Variants in ASIC2 observed in about 807,000 individuals in gnomAD.
ASIC2 encodes the protein acid sensing ion channel subunit 2.
ASIC2 carries 25 observed loss-of-function variants against 57.3 expected under a neutral mutation model. The observed-to-expected ratio is 0.44, with a 90% CI of 0.32 to 0.61. The LOEUF (loss-of-function observed/expected upper bound fraction) is 0.61, where lower values mean the gene tolerates loss of function less well. Among genes scored for constraint, ASIC2 ranks in the 20% least tolerant of loss-of-function variants. The pLI, the probability that ASIC2 is intolerant of heterozygous loss-of-function variation, is 0.06. For missense variants in ASIC2, 641 were observed against 738.1 expected (o/e 0.87, Z 1.52); for synonymous variants, 319 against 307.5 (o/e 1.04, Z -0.39).
intron 1 of ASIC2, among the ~76,000 whole-genome samples, chr17:33,871,576 G>C (rs530315698): frequency 6.6e-6 from 1 of 152,174 alleles, no homozygotes. Flanking sequence ...CCCTTGTCTT[G>C]CTCAGGATCT....
chr17:33,020,052 C>T (rs1017376427), intron 7 of ASIC2, among the ~76,000 whole-genome samples: 15 of 152,010 alleles, frequency 9.9e-5, no homozygotes, highest in African/African-American at 3.1e-4. Context: ...GTACCTTTGG[C>T]CACAATGACT....
At chr17:33,370,299 G>C (rs933416042) in intron 1 of ASIC2, among the ~76,000 whole-genome samples, 2 of 152,152 alleles carry the variant, frequency 1.3e-5, no homozygotes, top group African/African-American at 4.8e-5. Flanking sequence ...TCTGATCAAA[G>C]AACACCACCC....
intron 1 of ASIC2, among the ~76,000 whole-genome samples, chr17:33,754,259 G>C (rs554594313): frequency 6.6e-6 from 1 of 152,248 alleles, no homozygotes; most frequent in South Asian, 2.1e-4. Flanking sequence ...CAGGGATGAT[G>C]GTGGGGGGAG....
At chr17:33,962,499 C>A (rs1018994371) in intron 1 of ASIC2, among the ~76,000 whole-genome samples, 1 of 152,174 alleles carries the variant, frequency 6.6e-6, no homozygotes, top group Non-Finnish European at 1.5e-5. Context: ...AATTCTGAAG[C>A]TATTCTAATG....
intron 1 of ASIC2, among the ~76,000 whole-genome samples, chr17:33,269,038 T>C (rs1166552429): frequency 6.6e-6 from 1 of 152,168 alleles, no homozygotes; most frequent in Non-Finnish European, 1.5e-5. Context: ...TTAATGAGCA[T>C]ATGAACAGGT....
chr17:33,868,612 A>G (rs1458786608), intron 1 of ASIC2, among the ~76,000 whole-genome samples: 1 of 152,198 alleles, frequency 6.6e-6, no homozygotes, highest in East Asian at 1.9e-4. Context: ...GACTTCATTA[A>G]AATTAAAACT....
chr17:33,204,246 C>T (rs115684856), intron 1 of ASIC2, among the ~76,000 whole-genome samples: 1,711 of 152,302 alleles, frequency 0.011, 39 homozygotes, highest in African/African-American at 0.039. Flanking sequence ...CTGTCATTTT[C>T]CCAGGCAGGC....
intron 1 of ASIC2, chr17:34,004,605 C>T (rs991704568): frequency 1.3e-5 from 2 of 152,196 alleles, no homozygotes; most frequent in Non-Finnish European, 2.9e-5. Context: ...TGTGACCTTA[C>T]GTGAGACACT....
rs1054820050 is a variant in ASIC2, at chr17:33,608,285, C to G, written c.556-496218G>C. 2.0e-4 allele frequency among the ~76,000 whole-genome samples: 30 copies of G among 152,068 alleles called. 1 individual carries two copies. The highest frequency in any genetic ancestry group is 1.4e-3 in the Admixed American group (22 of 15,266). On this transcript the variant is annotated intron_variant, in intron 1 of 9. Coordinates refer to the ASIC2 transcript ENST00000359872. The stretch of plus-strand genomic sequence containing the variant: ...GGGTGAGTGTGAGGTTCTGAGAGGT[C>G]GAGTAGTAGAATTATCTCCCCCAGT...
At chr17:34,135,143 T>C (rs745324303) in intron 1 of ASIC2, among the ~76,000 whole-genome samples, 2 of 152,194 alleles carry the variant, frequency 1.3e-5, no homozygotes, top group Non-Finnish European at 2.9e-5. Flanking sequence ...TAATTAATAA[T>C]TCCAAAACAG....
chr17:33,680,502 A>C (rs1196776577), intron 1 of ASIC2: 2 of 152,068 alleles, frequency 1.3e-5, no homozygotes, highest in Non-Finnish European at 2.9e-5. Flanking sequence ...ACAAAAGACC[A>C]CCTTTATCCC....
chr17:33,071,937 A>G (rs973311042), intron 3 of ASIC2, among the ~76,000 whole-genome samples: 1 of 152,148 alleles, frequency 6.6e-6, no homozygotes, highest in African/African-American at 2.4e-5. Flanking sequence ...GTTTCCTCTC[A>G]TCTTCTCAAA....
intron 3 of ASIC2, among the ~76,000 whole-genome samples, chr17:33,053,295 A>G (rs1195940732): frequency 6.6e-6 from 1 of 152,148 alleles, no homozygotes; most frequent in East Asian, 1.9e-4. Flanking sequence ...GCACATTGCA[A>G]TTCACCTCTG....
chr17:33,963,479 A>G (rs1394190431), intron 1 of ASIC2, among the ~76,000 whole-genome samples: 1 of 152,218 alleles, frequency 6.6e-6, no homozygotes, highest in African/African-American at 2.4e-5. Flanking sequence ...AGCTTTCATT[A>G]CTCAGATGAG....
intron 1 of ASIC2, among the ~76,000 whole-genome samples, chr17:33,973,772 C>A (rs1313031209): frequency 6.7e-6 from 1 of 150,122 alleles, no homozygotes; most frequent in African/African-American, 2.5e-5. Flanking sequence ...GCCTAGATTG[C>A]AAACAGGTTC....
Position 33,813,892 on chromosome 17 carries a change from G to A in ASIC2, c.555+342086C>T, listed in dbSNP as rs1412424552. 3.3e-5 allele frequency among the ~76,000 whole-genome samples: 5 copies of A among 152,266 alleles called. No individual in the cohort carries two copies. In the East Asian group the frequency reaches 9.7e-4, roughly 29 times the overall value. On this transcript the variant is annotated intron_variant, in intron 1 of 9. Transcript: ENST00000359872. ...ACCCACACGTTTCCGCAAATCTGTT[G>A]GTTTCCTGAGGTTGAATGGTTGGTA...
At chr17:33,642,462 T>C (rs982283699) in intron 1 of ASIC2, among the ~76,000 whole-genome samples, 1 of 150,344 alleles carries the variant, frequency 6.7e-6, no homozygotes, top group African/African-American at 2.5e-5. Flanking sequence ...ACACACTGTT[T>C]GTGATGTTCC....
At chr17:33,745,804 G>A (rs184455348) in intron 1 of ASIC2, among the ~76,000 whole-genome samples, 5 of 152,240 alleles carry the variant, frequency 3.3e-5, no homozygotes, top group East Asian at 3.9e-4. Flanking sequence ...TAAAGGAAGT[G>A]CTTCATGTTG....
At chr17:33,681,608 C>G (rs1463305713) in intron 1 of ASIC2, among the ~76,000 whole-genome samples, 1 of 152,206 alleles carries the variant, frequency 6.6e-6, no homozygotes, top group Non-Finnish European at 1.5e-5. Flanking sequence ...GAGCAAGGCT[C>G]TGCGCAGCTG....
Sources: allele counts gnomAD v4.1 joint callset (sites outside exome capture counted in the v4.1 genomes callset), GRCh38; gene constraint gnomAD v4.1.1; transcripts MANE v1.5; gene names NCBI Gene and HGNC (gene_info 2026-07-23, HGNC 2026-07-21).